CSMD1: variants seen among roughly 807,000 people sequenced by gnomAD.
CSMD1 encodes the protein CUB and Sushi multiple domains 1, also known as CUB and sushi domain-containing protein 1.
A neutral mutation model predicts 417.5 loss-of-function variants in CSMD1; 213 were observed. That is an observed-to-expected ratio of 0.51 (90% CI 0.46 to 0.57). The LOEUF (loss-of-function observed/expected upper bound fraction) is 0.57, where lower values mean the gene tolerates loss of function less well. Ranked by LOEUF, CSMD1 falls within the 20% of genes least tolerant of loss-of-function variation. CSMD1 has a pLI of 0.00. For missense variants in CSMD1, 6,923 were observed against 4,529.7 expected (o/e 1.53, Z -15.17); for synonymous variants, 2,862 against 1,736.8 (o/e 1.65, Z -16.11).
chr8:4,233,251 A>T (rs184762462), intron 3 of CSMD1, among the ~76,000 whole-genome samples: 1 of 152,156 alleles, frequency 6.6e-6, no homozygotes, highest in Non-Finnish European at 1.5e-5. Context: ...TGTGACAGGG[A>T]AGATCAGCTT....
At chr8:3,687,944 C>A (rs1326259765) in intron 7 of CSMD1, among the ~76,000 whole-genome samples, 1 of 152,184 alleles carries the variant, frequency 6.6e-6, no homozygotes, top group Non-Finnish European at 1.5e-5. Context: ...TCCTACCAAC[C>A]CTTTGTTTCC....
chr8:3,801,218 G>A lies in CSMD1; in HGVS notation c.819-47176C>T, dbSNP rs116533455. On this transcript the variant is annotated intron_variant, in intron 5 of 69. Coordinates refer to ENST00000635120, the MANE Select transcript of CSMD1 (RefSeq NM_033225.6). ...TATTTGCAAATACTACATCCAAAAC[G>A]GTCTAATAACCAGAATATATAGAGA... 7.8e-3 allele frequency among the ~76,000 whole-genome samples: 1,175 copies of A among 149,842 alleles called. 12 individuals carry two copies. The highest frequency in any genetic ancestry group is 0.027 in the African/African-American group (1,087 of 40,760).
chr8:3,811,882 T>C (rs1016711144), intron 5 of CSMD1, among the ~76,000 whole-genome samples: 10 of 152,172 alleles, frequency 6.6e-5, no homozygotes, highest in African/African-American at 2.4e-4. Context: ...TGTGTTGTGT[T>C]TTTGCTCATT....
At chr8:3,383,988 T>A (rs1426256512) in intron 18 of CSMD1, among the ~76,000 whole-genome samples, 2 of 152,156 alleles carry the variant, frequency 1.3e-5, no homozygotes, top group African/African-American at 4.8e-5. Context: ...CTTCCCTGGA[T>A]AATTTCATTT....
At chr8:3,781,131 G>C (rs998409079) in intron 5 of CSMD1, among the ~76,000 whole-genome samples, 18 of 152,110 alleles carry the variant, frequency 1.2e-4, no homozygotes, top group African/African-American at 4.3e-4. Flanking sequence ...TTCAGCTTTG[G>C]AGTTCATGAT....
At chr8:4,903,903 T>A (rs1393558492) in intron 1 of CSMD1, among the ~76,000 whole-genome samples, 1 of 152,252 alleles carries the variant, frequency 6.6e-6, no homozygotes, top group Non-Finnish European at 1.5e-5. Context: ...ATGCATTTAT[T>A]GACATTGAAG....
At chr8:3,840,694 T>C (rs931629510) in intron 5 of CSMD1, among the ~76,000 whole-genome samples, 1 of 83,880 alleles carries the variant, frequency 1.2e-5, no homozygotes, top group African/African-American at 5.1e-5. Flanking sequence ...TTTTTTTTAA[T>C]TTTTTTTTTT....
At chr8:4,923,258 C>G (rs6992647) in intron 1 of CSMD1, among the ~76,000 whole-genome samples, 103,596 of 151,802 alleles carry the variant, frequency 0.68, 36,040 homozygotes, top group African/African-American at 0.8. Flanking sequence ...TTTCTTCTAC[C>G]CTTCACACTT....
intron 49 of CSMD1, among the ~76,000 whole-genome samples, chr8:3,071,360 G>A (rs767976170): frequency 1.3e-5 from 2 of 152,162 alleles, no homozygotes; most frequent in Non-Finnish European, 2.9e-5. Flanking sequence ...ACGGGGTGGG[G>A]AGCAAGAGGA....
intron 5 of CSMD1, among the ~76,000 whole-genome samples, chr8:3,983,613 C>T (rs2627440): frequency 0.24 from 36,708 of 152,140 alleles, 4,649 homozygotes; most frequent in Admixed American, 0.34. Flanking sequence ...CCCCATTTAT[C>T]AAACTGTATT....
chr8:3,501,557 T>G (rs1796601746), intron 10 of CSMD1, among the ~76,000 whole-genome samples: 1 of 152,176 alleles, frequency 6.6e-6, no homozygotes, highest in Non-Finnish European at 1.5e-5. Flanking sequence ...ACTGTAGGTT[T>G]GAAATTAATG....
intron 5 of CSMD1, among the ~76,000 whole-genome samples, chr8:3,787,844 C>G (rs1418401431): frequency 6.6e-6 from 1 of 152,152 alleles, no homozygotes; most frequent in African/African-American, 2.4e-5. Flanking sequence ...TCTTGCAAAG[C>G]AAGAAAAGTT....
intron 7 of CSMD1, among the ~76,000 whole-genome samples, chr8:3,679,301 A>T (rs1799533548): frequency 6.6e-6 from 1 of 152,192 alleles, no homozygotes; most frequent in Non-Finnish European, 1.5e-5. Flanking sequence ...TCTCATGTGC[A>T]GAGACACACA....
intron 1 of CSMD1, among the ~76,000 whole-genome samples, chr8:4,854,248 C>T (rs1029249161): frequency 2.0e-5 from 3 of 152,080 alleles, no homozygotes; most frequent in African/African-American, 2.4e-5. Flanking sequence ...CTCTATAAGT[C>T]TTATGTTGAA....
intron 3 of CSMD1, among the ~76,000 whole-genome samples, chr8:4,164,123 T>G (rs1485010780): frequency 1.3e-5 from 2 of 151,894 alleles, no homozygotes; most frequent in Non-Finnish European, 2.9e-5. Context: ...TTAAATTTTA[T>G]TATACCTGAT....
intron 54 of CSMD1, among the ~76,000 whole-genome samples, chr8:2,981,697 G>C (rs1364463409): frequency 6.6e-6 from 1 of 152,200 alleles, no homozygotes; most frequent in Non-Finnish European, 1.5e-5. Flanking sequence ...CAGCCCAGCA[G>C]GGAGAAGTTC....
chr8:3,226,048 T>A (rs1798483015), intron 27 of CSMD1, among the ~76,000 whole-genome samples: 1 of 152,228 alleles, frequency 6.6e-6, no homozygotes, highest in Non-Finnish European at 1.5e-5. Context: ...TTGAAGCTGG[T>A]CTTTAACGAG....
intron 5 of CSMD1, among the ~76,000 whole-genome samples, chr8:3,785,236 T>G (rs538753982): frequency 6.6e-6 from 1 of 152,214 alleles, no homozygotes; most frequent in Non-Finnish European, 1.5e-5. Flanking sequence ...TCACAGTTTG[T>G]GAAATGCTCA....
intron 5 of CSMD1, among the ~76,000 whole-genome samples, chr8:3,789,128 C>T (rs764434674): frequency 6.6e-6 from 1 of 152,092 alleles, no homozygotes; most frequent in Non-Finnish European, 1.5e-5. Flanking sequence ...GTGACTAAGT[C>T]CTTTGTTTTA....
Sources: allele counts gnomAD v4.1 joint callset (sites outside exome capture counted in the v4.1 genomes callset), GRCh38; gene constraint gnomAD v4.1.1; transcripts MANE v1.5; gene names NCBI Gene and HGNC (gene_info 2026-07-23, HGNC 2026-07-21).